Variants in PLXDC2 observed in about 807,000 individuals in gnomAD.
PLXDC2 encodes the protein plexin domain-containing protein 2.
In PLXDC2, 40 loss-of-function variants were observed where a neutral mutation model predicts 68.9. That is an observed-to-expected ratio of 0.58 (90% CI 0.45 to 0.76). PLXDC2 has a LOEUF of 0.76. PLXDC2 is among the 30% of genes least tolerant of loss of function. The probability of loss-of-function intolerance (pLI) is 0.00; values close to 1 mark genes in which losing one functional copy is unlikely to be tolerated. For synonymous variants in PLXDC2, 243 were observed against 234.2 expected (o/e 1.04, Z -0.34); for missense variants, 644 against 661.9 (o/e 0.97, Z 0.30).
chr10:19,873,226 C>G (rs1488953851), intron 1 of PLXDC2, among the ~76,000 whole-genome samples: 5 of 152,038 alleles, frequency 3.3e-5, no homozygotes, highest in South Asian at 2.1e-4. Flanking sequence ...AGAAACAAAA[C>G]AAAACAAAAC....
intron 1 of PLXDC2, among the ~76,000 whole-genome samples, chr10:19,884,672 A>G (rs1467105804): frequency 1.3e-5 from 2 of 152,200 alleles, no homozygotes; most frequent in African/African-American, 4.8e-5. Context: ...GTCCCTACGA[A>G]GGACATGAAC....
intron 7 of PLXDC2, among the ~76,000 whole-genome samples, chr10:20,176,383 C>T (rs75584659): frequency 0.026 from 1,262 of 48,054 alleles, 18 homozygotes; most frequent in African/African-American, 0.078. Flanking sequence ...CATCATCTCG[C>T]ACAGTTATGT....
At chr10:20,062,452 T>G (rs1836123856) in intron 3 of PLXDC2, among the ~76,000 whole-genome samples, 1 of 151,788 alleles carries the variant, frequency 6.6e-6, no homozygotes, top group Non-Finnish European at 1.5e-5. Flanking sequence ...AAAAATAAAT[T>G]TAAAAAATTA....
chr10:19,909,074 G>GTATA (rs1405074012), intron 1 of PLXDC2, among the ~76,000 whole-genome samples: 4 of 152,124 alleles, frequency 2.6e-5, no homozygotes, highest in Non-Finnish European at 5.9e-5. Context: ...ATTCTGGTGT[G>GTATA]TATATCAACC....
intron 13 of PLXDC2, among the ~76,000 whole-genome samples, chr10:20,276,128 T>C (rs1836004100): frequency 1.3e-5 from 2 of 152,160 alleles, no homozygotes; most frequent in Admixed American, 1.3e-4. Flanking sequence ...ATCGACTGCT[T>C]GACAAGTGCC....
At chr10:20,105,479 A>C (rs1344813610) in intron 4 of PLXDC2, among the ~76,000 whole-genome samples, 1 of 122,510 alleles carries the variant, frequency 8.2e-6, no homozygotes, top group Non-Finnish European at 1.5e-5. Context: ...ATTAAAAAGC[A>C]AATATTTGTT....
chr10:20,007,925 G>A (rs1259421070), intron 2 of PLXDC2, among the ~76,000 whole-genome samples: 1 of 152,188 alleles, frequency 6.6e-6, no homozygotes, highest in Non-Finnish European at 1.5e-5. Flanking sequence ...AGCAACTGTT[G>A]TATTATTCAT....
chr10:20,230,698 A>AAAAAAAC (rs2131877872), intron 12 of PLXDC2, among the ~76,000 whole-genome samples: 1 of 149,110 alleles, frequency 6.7e-6, no homozygotes, highest in South Asian at 2.1e-4. Context: ...TGTCTCAAAA[A>AAAAAAAC]AAAAAAAAAA....
chr10:19,955,871 G>A (rs1465727174), intron 1 of PLXDC2, among the ~76,000 whole-genome samples: 5 of 152,068 alleles, frequency 3.3e-5, no homozygotes, highest in Admixed American at 3.3e-4. Context: ...CCTGAGTCAG[G>A]AGTTCGAGAC....
At chr10:19,904,229 G>T (rs896786193) in intron 1 of PLXDC2, among the ~76,000 whole-genome samples, 2 of 152,084 alleles carry the variant, frequency 1.3e-5, no homozygotes, top group African/African-American at 4.8e-5. Flanking sequence ...TAAGTCCCTT[G>T]TTTCTTTGTT....
intron 4 of PLXDC2, among the ~76,000 whole-genome samples, chr10:20,100,577 A>G (rs779161661): frequency 6.6e-6 from 1 of 152,184 alleles, no homozygotes; most frequent in Non-Finnish European, 1.5e-5. Flanking sequence ...TGCTCTGGAC[A>G]TGTCATTCCT....
chr10:20,181,793 A>G (rs951751936), intron 9 of PLXDC2, among the ~76,000 whole-genome samples: 3 of 152,080 alleles, frequency 2.0e-5, no homozygotes, highest in African/African-American at 7.2e-5. Context: ...TATCCTCAGA[A>G]TAATGGAAAG....
chr10:20,110,084 G>T (rs1485632042), intron 4 of PLXDC2, among the ~76,000 whole-genome samples: 1 of 152,174 alleles, frequency 6.6e-6, no homozygotes, highest in African/African-American at 2.4e-5. Flanking sequence ...AAAGTGACAG[G>T]AAAGTTCAAG....
At chr10:19,983,744 C>T (rs879666939) in intron 1 of PLXDC2, among the ~76,000 whole-genome samples, 5 of 152,112 alleles carry the variant, frequency 3.3e-5, no homozygotes, top group Non-Finnish European at 7.4e-5. Context: ...GGTCCATGGA[C>T]CAGGGGTGGC....
chr10:20,095,016 G>A (rs1280554649), intron 4 of PLXDC2, among the ~76,000 whole-genome samples: 1 of 152,174 alleles, frequency 6.6e-6, no homozygotes, highest in African/African-American at 2.4e-5. Context: ...GAAATGTAAT[G>A]TGGTCCACAA....
chr10:19,945,759 T>C (rs1833891102), intron 1 of PLXDC2, among the ~76,000 whole-genome samples: 1 of 152,196 alleles, frequency 6.6e-6, no homozygotes, highest in Non-Finnish European at 1.5e-5. Flanking sequence ...GCGAATTAAC[T>C]GAGTCTTGTG....
intron 1 of PLXDC2, among the ~76,000 whole-genome samples, chr10:19,914,533 G>A (rs1289026372): frequency 2.0e-5 from 3 of 152,144 alleles, no homozygotes; most frequent in Non-Finnish European, 2.9e-5. Context: ...GAGTTGAAAC[G>A]TTAAAGTTAC....
At chr10:20,093,782 T>A (rs1208102642) in intron 4 of PLXDC2, among the ~76,000 whole-genome samples, 2 of 152,130 alleles carry the variant, frequency 1.3e-5, no homozygotes, top group Non-Finnish European at 2.9e-5. Context: ...CAAGGGATCT[T>A]CCCACCATAG....
chr10:20,180,123 A>T (rs556665710), intron 9 of PLXDC2, among the ~76,000 whole-genome samples: 2 of 152,066 alleles, frequency 1.3e-5, no homozygotes, highest in Admixed American at 6.6e-5. Context: ...AGCAAAGTCT[A>T]AGACTTTTGC....
Sources: gnomAD v4.1 joint callset for allele counts (sites outside exome capture counted in the v4.1 genomes callset) on GRCh38, gnomAD v4.1.1 for gene constraint, MANE v1.5 for transcripts, NCBI Gene and HGNC (gene_info 2026-07-23, HGNC 2026-07-21) for gene names.